Variants in GLIS3 observed in about 807,000 individuals in gnomAD.
GLIS3 encodes the protein GLIS family zinc finger 3.
In GLIS3, 53 loss-of-function variants were observed where a neutral mutation model predicts 78.6. The ratio of observed to expected loss-of-function variants is 0.67; its 90% CI spans 0.54 to 0.85. The LOEUF (loss-of-function observed/expected upper bound fraction) is 0.85, where lower values mean the gene tolerates loss of function less well. GLIS3 is among the 40% of genes least tolerant of loss of function. The pLI is 0.00. For synonymous variants in GLIS3, 684 were observed against 509.9 expected (o/e 1.34, Z -4.60); for missense variants, 1,703 against 1,231.1 (o/e 1.38, Z -5.74).
At chr9:4,058,393 G>C (rs1826322654) in intron 4 of GLIS3, among the ~76,000 whole-genome samples, 1 of 150,728 alleles carries the variant, frequency 6.6e-6, no homozygotes, top group South Asian at 2.1e-4. Flanking sequence ...GTTTTTCTTT[G>C]CCTACTGATC....
chr9:3,829,004 G>A (rs914088353), intron 10 of GLIS3, among the ~76,000 whole-genome samples: 2 of 152,088 alleles, frequency 1.3e-5, no homozygotes, highest in Admixed American at 6.5e-5. Context: ...TTTTGGGGAG[G>A]CAATGTTCAT....
At chr9:4,362,533 A>G in the GLIS3 span, among the ~76,000 whole-genome samples, 2 of 152,188 alleles carry the variant, frequency 1.3e-5, no homozygotes, top group African/African-American at 4.8e-5. Flanking sequence ...TTTTTCAAAC[A>G]GCACTCAAAA....
intron 2 of GLIS3, among the ~76,000 whole-genome samples, chr9:4,206,668 T>A (rs900088845): frequency 3.3e-5 from 5 of 152,184 alleles, no homozygotes; most frequent in Admixed American, 2.6e-4. Flanking sequence ...TCAGGTCTAA[T>A]AAGGGGTGTG....
intron 4 of GLIS3, among the ~76,000 whole-genome samples, chr9:4,059,417 G>C (rs1471924955): frequency 6.6e-6 from 1 of 152,210 alleles, no homozygotes; most frequent in African/African-American, 2.4e-5. Context: ...AAAACTGCCA[G>C]AGTGCCATGA....
chr9:4,217,554 T>C (rs1820966001), intron 2 of GLIS3, among the ~76,000 whole-genome samples: 1 of 152,200 alleles, frequency 6.6e-6, no homozygotes, highest in Admixed American at 6.5e-5. Flanking sequence ...GAAATGTCAC[T>C]GTGTTTAAGG....
intron 2 of GLIS3, 60 bp from the exon 3 acceptor site, chr9:4,126,001 A>G (rs1832547603): frequency 2.3e-6 from 3 of 1,292,236 alleles, no homozygotes; most frequent in Non-Finnish European, 2.2e-6. Context: ...CAGTAAATAC[A>G]GACATGTGCA....
At chr9:4,490,342 C>T in the GLIS3 span, 19 of 180,478 alleles carry the variant, frequency 1.1e-4, no homozygotes, top group South Asian at 3.1e-3. Flanking sequence ...TCCCTAGGGA[C>T]CCCGGGCGTC....
At chr9:4,135,089 A>C (rs1833302218) in intron 2 of GLIS3, among the ~76,000 whole-genome samples, 1 of 152,166 alleles carries the variant, frequency 6.6e-6, no homozygotes, top group Non-Finnish European at 1.5e-5. Flanking sequence ...ATAGACCCCA[A>C]ATTATGTTAG....
the GLIS3 span, among the ~76,000 whole-genome samples, chr9:4,449,740 G>T: frequency 6.6e-6 from 1 of 152,178 alleles, no homozygotes; most frequent in Non-Finnish European, 1.5e-5. Flanking sequence ...CAACAGACCT[G>T]CAGCTGAGGG....
chr9:3,921,385 C>T (rs577249043), intron 6 of GLIS3, among the ~76,000 whole-genome samples: 5 of 152,130 alleles, frequency 3.3e-5, no homozygotes, highest in South Asian at 2.1e-4. Flanking sequence ...GCATGGGAAC[C>T]GGAAGCTCAG....
intron 2 of GLIS3, among the ~76,000 whole-genome samples, chr9:4,328,063 G>A (rs1817628856): frequency 6.6e-6 from 1 of 152,166 alleles, no homozygotes; most frequent in African/African-American, 2.4e-5. Flanking sequence ...CTGTTATTAG[G>A]GCTGGCAGAG....
intron 7 of GLIS3, among the ~76,000 whole-genome samples, chr9:3,883,081 C>A (rs1335432734): frequency 6.6e-6 from 1 of 152,142 alleles, no homozygotes; most frequent in Non-Finnish European, 1.5e-5. Flanking sequence ...CCCCATCTCA[C>A]ATACCCTTCA....
chr9:3,877,760 T>A (rs1275926506), intron 8 of GLIS3, among the ~76,000 whole-genome samples: 2 of 152,194 alleles, frequency 1.3e-5, no homozygotes, highest in Non-Finnish European at 2.9e-5. Context: ...TGCTTTGCCT[T>A]GCTTCAAGTA....
chr9:4,093,533 C>G (rs891950584), intron 4 of GLIS3, among the ~76,000 whole-genome samples: 1 of 152,176 alleles, frequency 6.6e-6, no homozygotes, highest in African/African-American at 2.4e-5. Context: ...GGCCCTAAAT[C>G]CAAAGTCACT....
the GLIS3 span, among the ~76,000 whole-genome samples, chr9:4,357,078 G>C: frequency 2.0e-5 from 3 of 152,110 alleles, no homozygotes; most frequent in East Asian, 1.9e-4. Flanking sequence ...TGAAACAAAA[G>C]TTCTATTTTA....
At chr9:4,485,895 G>C in the GLIS3 span, among the ~76,000 whole-genome samples, 1 of 151,976 alleles carries the variant, frequency 6.6e-6, no homozygotes. Flanking sequence ...CTAATTTTTT[G>C]TATTTTTAGC....
At chr9:4,187,954 T>C (rs1817965032) in intron 2 of GLIS3, among the ~76,000 whole-genome samples, 1 of 152,234 alleles carries the variant, frequency 6.6e-6, no homozygotes, top group East Asian at 1.9e-4. Context: ...AGGGACAATC[T>C]GACTTCCTCT....
chr9:4,248,156 G>A (rs1334635206), intron 2 of GLIS3, among the ~76,000 whole-genome samples: 1 of 152,104 alleles, frequency 6.6e-6, no homozygotes, highest in East Asian at 1.9e-4. Context: ...TGTTACATAG[G>A]TATGCACGTG....
chr9:4,379,633 A>G, the GLIS3 span, among the ~76,000 whole-genome samples: 5 of 152,182 alleles, frequency 3.3e-5, no homozygotes, highest in African/African-American at 7.2e-5. Flanking sequence ...CTGCTGTTTC[A>G]GTGGACCTTG....
Sources: allele counts gnomAD v4.1 joint callset (sites outside exome capture counted in the v4.1 genomes callset), GRCh38; gene constraint gnomAD v4.1.1; transcripts MANE v1.5; gene names NCBI Gene and HGNC (gene_info 2026-07-23, HGNC 2026-07-21).